The following AQP11 variants were observed in gnomAD, a reference collection of about 807,000 sequenced individuals.
AQP11 encodes the protein aquaporin 11.
Under a neutral mutation model 21.1 loss-of-function variants are expected in AQP11, and 20 were observed. The observed-to-expected ratio is 0.95, with a 90% CI of 0.67 to 1.38. The LOEUF is 1.38. Among genes scored for constraint, AQP11 ranks in the 40% most tolerant of loss-of-function variants. The pLI is 0.00. For synonymous variants in AQP11, 167 were observed against 150.1 expected, an observed-to-expected ratio of 1.11 and a Z score of -0.82; for missense variants, 339 against 340.4, an observed-to-expected ratio of 1.00 and a Z score of 0.03.
Position 77,590,479 on chromosome 11 carries a change from T to G in AQP11, c.487T>G (p.Leu163Val). Reference sequence around the variant, plus strand: ...TTGCAAGAATCCCATCCGAGTCGACTTGCTCAAAGCGGTCATCACAGAGGC... The same window carrying G: ...TTGCAAGAATCCCATCCGAGTCGACGTGCTCAAAGCGGTCATCACAGAGGC... Reference protein sequence around the residue: ...FACKNPIRVDLLKAVITEAVC... With the variant: ...FACKNPIRVDVLKAVITEAVC... Residue 163 changes from leucine (L) to valine (V), a missense_variant, in exon 1 of 3, where the codon TTG becomes GTG. Physicochemically the swap from Leu to Val is conservative, Grantham distance 32. Transcript: ENST00000313578. The G allele has an allele frequency of 6.2e-7, 1 of 1,614,172 alleles. No homozygotes were observed. The highest frequency in any genetic ancestry group is 8.5e-7 in the Non-Finnish European group (1 of 1,180,030).
chr11:77,606,830 G>A (rs1469128429), intron 2 of AQP11, among the ~76,000 whole-genome samples: 1 of 152,192 alleles, frequency 6.6e-6, no homozygotes, highest in Non-Finnish European at 1.5e-5. Flanking sequence ...CCTGGGCTCA[G>A]GTGATCTGCC....
chr11:77,596,444 T>TA (rs66671315), intron 1 of AQP11, among the ~76,000 whole-genome samples: 1,874 of 119,018 alleles, frequency 0.016, 50 homozygotes, highest in African/African-American at 0.055. Flanking sequence ...ATGTCTCAAT[T>TA]AAAAAAAAAA....
intron 1 of AQP11, among the ~76,000 whole-genome samples, chr11:77,593,288 A>G (rs540187789): frequency 6.6e-6 from 1 of 152,380 alleles, no homozygotes; most frequent in African/African-American, 2.4e-5. Flanking sequence ...GTCAGCTGTT[A>G]TAGGCCAAGC....
intron 1 of AQP11, among the ~76,000 whole-genome samples, chr11:77,593,431 C>G (rs191175328): frequency 6.6e-6 from 1 of 152,104 alleles, no homozygotes; most frequent in African/African-American, 2.4e-5. Flanking sequence ...GTCAGGTGAT[C>G]GAGACTATCC....
intron 1 of AQP11, among the ~76,000 whole-genome samples, chr11:77,592,671 A>G (rs1958755826): frequency 6.6e-6 from 1 of 152,266 alleles, no homozygotes; most frequent in South Asian, 2.1e-4. Flanking sequence ...GAAGAGACAC[A>G]GATAATACTT....
intron 2 of AQP11, 46 bp from the exon 3 acceptor site, chr11:77,609,252 C>A (rs763952474): frequency 2.0e-6 from 3 of 1,463,576 alleles, no homozygotes; most frequent in Non-Finnish European, 2.8e-6. Flanking sequence ...TGATTATGAA[C>A]CTCCTTAAAG....
At chr11:77,604,142 CTCTT>C (rs1958831141) in intron 2 of AQP11, among the ~76,000 whole-genome samples, 1 of 152,040 alleles carries the variant, frequency 6.6e-6, no homozygotes, top group Non-Finnish European at 1.5e-5. Flanking sequence ...GACAGGGTCT[CTCTT>C]TGTCACCCAG....
chr11:77,595,015 G>T (rs1407072641), intron 1 of AQP11, among the ~76,000 whole-genome samples: 1 of 152,172 alleles, frequency 6.6e-6, no homozygotes, highest in Non-Finnish European at 1.5e-5. Flanking sequence ...TTGAGAGAGA[G>T]CTGCATTCAT....
intron 2 of AQP11, 50 bp downstream of exon 2, chr11:77,603,722 TATG>T: frequency 7.4e-7 from 1 of 1,357,572 alleles, no homozygotes; most frequent in Non-Finnish European, 1.0e-6. Flanking sequence ...TATTTTAAAA[TATG>T]ATATGTGTAT....
At chr11:77,590,974 C>T (rs1958744322) in intron 1 of AQP11, 9 of 985,422 alleles carry the variant, frequency 9.1e-6, no homozygotes, top group Non-Finnish European at 1.1e-5. Flanking sequence ...TTCGGATACT[C>T]TTACTGAAAA....
chr11:77,600,686 A>G (rs1958810263), intron 1 of AQP11, among the ~76,000 whole-genome samples: 1 of 152,194 alleles, frequency 6.6e-6, no homozygotes, highest in Non-Finnish European at 1.5e-5. Flanking sequence ...ATGAATGGAC[A>G]TTTAGGTTTT....
intron 1 of AQP11, among the ~76,000 whole-genome samples, chr11:77,601,579 G>A (rs1958815972): frequency 6.6e-6 from 1 of 151,990 alleles, no homozygotes; most frequent in African/African-American, 2.4e-5. Context: ...CAAACTCCTG[G>A]GCTCAAGTGA....
intron 2 of AQP11, among the ~76,000 whole-genome samples, chr11:77,605,435 C>T (rs958798910): frequency 1.1e-4 from 16 of 152,118 alleles, no homozygotes; most frequent in South Asian, 2.1e-4. Context: ...CAGTATAGTC[C>T]GTGGCCTGTT....
intron 1 of AQP11, chr11:77,591,086 C>G: frequency 1.0e-6 from 1 of 983,744 alleles, no homozygotes. Context: ...CATTTTAGTC[C>G]TATAAATGAT....
intron 1 of AQP11, among the ~76,000 whole-genome samples, chr11:77,591,744 G>A (rs1003846952): frequency 2.0e-5 from 3 of 152,078 alleles, no homozygotes; most frequent in Non-Finnish European, 4.4e-5. Flanking sequence ...CATGGTGGTG[G>A]GCGCCTGTAA....
chr11:77,599,872 C>T (rs1267018615), intron 1 of AQP11, among the ~76,000 whole-genome samples: 3 of 152,100 alleles, frequency 2.0e-5, no homozygotes, highest in Admixed American at 2.0e-4. Flanking sequence ...AGGAATGAGC[C>T]ATCAAACCCA....
intron 1 of AQP11, among the ~76,000 whole-genome samples, chr11:77,595,625 A>G (rs1958773872): frequency 6.6e-6 from 1 of 152,222 alleles, no homozygotes; most frequent in Non-Finnish European, 1.5e-5. Flanking sequence ...AAAACTGTAC[A>G]GGAAGAAATA....
At chr11:77,600,578 G>A (rs1000580176) in intron 1 of AQP11, among the ~76,000 whole-genome samples, 2 of 152,160 alleles carry the variant, frequency 1.3e-5, no homozygotes, top group African/African-American at 4.8e-5. Flanking sequence ...GATACATCTT[G>A]TATATCTACC....
At position 77,590,273 on chromosome 11, in the gene AQP11, T is replaced by C. The variant is rs1958738344; in HGVS notation, c.281T>C (p.Val94Ala). ...TCGCTTGTGCATGGCCTGACTCTGGTGGGCACGTCCAGCAACCCGTGCGGC... is the reference window on the plus strand; with the variant it reads ...TCGCTTGTGCATGGCCTGACTCTGGCGGGCACGTCCAGCAACCCGTGCGGC... ...FFSLVHGLTLVGTSSNPCGVM... is the reference protein window; with the variant it reads ...FFSLVHGLTLAGTSSNPCGVM... Residue 94 changes from valine (V) to alanine (A), a missense_variant, in exon 1 of 3, where the codon GTG becomes GCG. Transcript: ENST00000313578. 1 of 1,603,358 alleles carries C rather than the reference T, an allele frequency of 6.2e-7. No homozygotes were observed. The highest frequency in any genetic ancestry group is 8.5e-7 in the Non-Finnish European group (1 of 1,173,532).
Sources: gnomAD v4.1 joint callset for allele counts (sites outside exome capture counted in the v4.1 genomes callset) on GRCh38, gnomAD v4.1.1 for gene constraint, MANE v1.5 for transcripts, NCBI Gene and HGNC (gene_info 2026-07-23, HGNC 2026-07-21) for gene names.